Variants in CHRM3 observed in about 807,000 individuals in gnomAD.
CHRM3 encodes the protein cholinergic receptor muscarinic 3.
In CHRM3, 11 loss-of-function variants were observed where a neutral mutation model predicts 41.8. That is an observed-to-expected ratio of 0.26 (90% confidence interval 0.17 to 0.44). The LOEUF (loss-of-function observed/expected upper bound fraction) is 0.44. CHRM3 is among the 20% of genes least tolerant of loss of function. The pLI is 1.00. For missense variants in CHRM3, 571 were observed against 745.4 expected, an observed-to-expected ratio of 0.77 and a Z score of 2.72; for synonymous variants, 297 against 301.4, an observed-to-expected ratio of 0.99 and a Z score of 0.15.
chr1:239,471,895 T>G (rs571855877), intron 1 of CHRM3, among the ~76,000 whole-genome samples: 52 of 152,310 alleles, frequency 3.4e-4, no homozygotes, highest in African/African-American at 1.2e-3. Context: ...TGTGATTGAC[T>G]GCGGGGAGGC....
intron 6 of CHRM3, among the ~76,000 whole-genome samples, chr1:239,875,555 G>A (rs889204079): frequency 3.3e-5 from 5 of 152,176 alleles, no homozygotes; most frequent in African/African-American, 1.2e-4. Context: ...CACAAAATAA[G>A]GCATAGCCAG....
intron 6 of CHRM3, among the ~76,000 whole-genome samples, chr1:239,864,926 T>G (rs1025403549): frequency 1.7e-4 from 26 of 152,206 alleles, no homozygotes; most frequent in African/African-American, 6.3e-4. Context: ...GAGTGAAAAT[T>G]TATATGTCTT....
intron 6 of CHRM3, among the ~76,000 whole-genome samples, chr1:239,859,822 TATATATATATATATA>T (rs1675475495): frequency 3.1e-5 from 1 of 32,658 alleles, no homozygotes; most frequent in Non-Finnish European, 1.0e-4. Context: ...AAGTGTTTTA[TATATATATATATATA>T]TATATATATA....
intron 5 of CHRM3, among the ~76,000 whole-genome samples, chr1:239,803,815 T>C (rs1372211917): frequency 1.3e-5 from 2 of 152,136 alleles, no homozygotes; most frequent in African/African-American, 2.4e-5. Context: ...TTCCACCAAG[T>C]GAAGCAGAAT....
chr1:239,830,037 C>G (rs185487829), intron 6 of CHRM3, among the ~76,000 whole-genome samples: 1 of 152,252 alleles, frequency 6.6e-6, no homozygotes, highest in East Asian at 1.9e-4. Flanking sequence ...CAAAATGATA[C>G]CTGGGCCTTG....
rs1003496884 is a variant in CHRM3 at position 239,701,431 on chromosome 1, C to A, written c.-147+23143C>A. Reference sequence around the variant, plus strand: ...CCATGCTTCTTTCTCTTCTTTGAATCTTTCCTCATTCACCAAGAATTGTCA... The same window carrying A: ...CCATGCTTCTTTCTCTTCTTTGAATATTTCCTCATTCACCAAGAATTGTCA... On this transcript the variant is annotated intron_variant, in intron 5 of 6. Transcript: ENST00000676153. Among the ~76,000 whole-genome samples the A allele has an allele frequency of 2.7e-4, 41 of 152,188 alleles. 1 individual carries two copies. The highest frequency in any genetic ancestry group is 4.4e-5 in the Non-Finnish European group (3 of 68,026).
chr1:239,714,836 G>C (rs987423477), intron 5 of CHRM3, among the ~76,000 whole-genome samples: 5 of 152,134 alleles, frequency 3.3e-5, no homozygotes, highest in African/African-American at 9.7e-5. Context: ...TGTCTTGAAT[G>C]ACCTAAGTGG....
chr1:239,447,009 A>C (rs1664200234), intron 1 of CHRM3, among the ~76,000 whole-genome samples: 1 of 152,214 alleles, frequency 6.6e-6, no homozygotes, highest in African/African-American at 2.4e-5. Context: ...GTTAATGGCT[A>C]TCTTTGAGTA....
intron 2 of CHRM3, among the ~76,000 whole-genome samples, chr1:239,537,740 A>T (rs1406777823): frequency 6.6e-6 from 1 of 152,178 alleles, no homozygotes; most frequent in Non-Finnish European, 1.5e-5. Flanking sequence ...ATCGATCCTC[A>T]TCCTAATTTC....
chr1:239,393,925 C>G (rs1178199983), intron 1 of CHRM3, among the ~76,000 whole-genome samples: 1 of 152,032 alleles, frequency 6.6e-6, no homozygotes, highest in African/African-American at 2.4e-5. Context: ...ATCTATCTAC[C>G]TATCAATTAT....
intron 5 of CHRM3, among the ~76,000 whole-genome samples, chr1:239,805,285 A>C (rs1440747038): frequency 1.3e-5 from 2 of 152,168 alleles, no homozygotes; most frequent in African/African-American, 4.8e-5. Context: ...GTTACCTAAG[A>C]GGGATATGTT....
At chr1:239,586,798 A>G (rs958679510) in intron 3 of CHRM3, among the ~76,000 whole-genome samples, 2 of 152,120 alleles carry the variant, frequency 1.3e-5, no homozygotes, top group African/African-American at 4.8e-5. Flanking sequence ...CCTGAGCTAC[A>G]CCCAGTTCTA....
chr1:239,673,132 G>A (rs932823320), intron 4 of CHRM3, among the ~76,000 whole-genome samples: 2 of 152,268 alleles, frequency 1.3e-5, no homozygotes, highest in Admixed American at 6.5e-5. Flanking sequence ...GCTGGAGAAC[G>A]TGTCTGGGCC....
At chr1:239,755,105 T>C (rs561272219) in intron 5 of CHRM3, among the ~76,000 whole-genome samples, 1 of 152,306 alleles carries the variant, frequency 6.6e-6, no homozygotes, top group South Asian at 2.1e-4. Context: ...TTCTTTGTTC[T>C]CTTAAAACTG....
intron 1 of CHRM3, among the ~76,000 whole-genome samples, chr1:239,478,971 C>G (rs1038468794): frequency 2.0e-5 from 3 of 152,050 alleles, no homozygotes; most frequent in African/African-American, 7.2e-5. Context: ...TCACTTGAGC[C>G]TAGGCATTTG....
At chr1:239,448,281 C>T (rs924904440) in intron 1 of CHRM3, among the ~76,000 whole-genome samples, 1 of 152,182 alleles carries the variant, frequency 6.6e-6, no homozygotes, top group Non-Finnish European at 1.5e-5. Flanking sequence ...AGGATATCCA[C>T]TGTAGGTTCT....
chr1:239,672,601 C>A (rs1674489961), intron 4 of CHRM3, among the ~76,000 whole-genome samples: 1 of 148,548 alleles, frequency 6.7e-6, no homozygotes, highest in South Asian at 2.2e-4. Flanking sequence ...CTTCCCACTA[C>A]ACACACACAC....
chr1:239,636,338 G>T (rs920419822), intron 4 of CHRM3, among the ~76,000 whole-genome samples: 1 of 152,074 alleles, frequency 6.6e-6, no homozygotes, highest in South Asian at 2.1e-4. Flanking sequence ...AAAATATCCC[G>T]TGAAACAAAA....
chr1:239,831,780 A>T (rs1023107842), intron 6 of CHRM3, among the ~76,000 whole-genome samples: 4 of 152,222 alleles, frequency 2.6e-5, no homozygotes, highest in African/African-American at 9.6e-5. Context: ...AGCATCCTGG[A>T]ATACCATTGG....
Sources: gnomAD v4.1 joint callset for allele counts (sites outside exome capture counted in the v4.1 genomes callset) on GRCh38, gnomAD v4.1.1 for gene constraint, MANE v1.5 for transcripts, NCBI Gene and HGNC (gene_info 2026-07-23, HGNC 2026-07-21) for gene names.